SMYD3: variants seen among roughly 807,000 people sequenced by gnomAD.
The protein encoded by SMYD3 is histone-lysine N-methyltransferase SMYD3.
A neutral mutation model predicts 57.7 loss-of-function variants in SMYD3; 36 were observed. The ratio of observed to expected loss-of-function variants is 0.62; its 90% confidence interval spans 0.48 to 0.82. SMYD3 has a LOEUF of 0.82. Among genes scored for constraint, SMYD3 ranks in the 40% least tolerant of loss-of-function variants. The probability of loss-of-function intolerance (pLI) is 0.00; values close to 1 mark genes in which losing one functional copy is unlikely to be tolerated. For synonymous variants in SMYD3, 211 were observed against 195.0 expected (o/e 1.08, Z -0.68); for missense variants, 515 against 538.8 (o/e 0.96, Z 0.44).
intron 5 of SMYD3, among the ~76,000 whole-genome samples, chr1:246,137,071 T>G (rs575352421): frequency 6.6e-6 from 1 of 152,226 alleles, no homozygotes; most frequent in Admixed American, 6.5e-5. Flanking sequence ...TTTCTGATCA[T>G]GCATATACTA....
At position 246,491,170 on chromosome 1, in the gene SMYD3, C is replaced by A. The variant is rs571491406; in HGVS notation, c.164+15884G>T. On this transcript the variant is annotated intron_variant, in intron 1 of 11. Transcript: ENST00000490107. ...CACTGAGACCAGTCAGACTAAAACA[C>A]AGGATACACTGGGAAATAAAGCTGG... Among the ~76,000 whole-genome samples, 5 of 152,278 alleles carry A rather than the reference C, an allele frequency of 3.3e-5. 1 individual carries two copies. The South Asian group carries it at 1.0e-3, about 32-fold the overall frequency.
rs151228319 is a variant in SMYD3 at position 246,159,743 on chromosome 1, C to T, written c.531+167458G>A. Among the ~76,000 whole-genome samples, 210 of 152,162 alleles carry T rather than the reference C, an allele frequency of 1.4e-3. 1 individual carries two copies. Among genetic ancestry groups the T allele is most frequent in the African/African-American group, 4.3e-3 (177 of 41,528 alleles). On this transcript the variant is annotated intron_variant, in intron 5 of 11. Coordinates refer to ENST00000490107, the MANE Select transcript of SMYD3 (RefSeq NM_001167740.2). Reference sequence around the variant, plus strand: ...GGGTGTAGGAGTGCAGGGAACACGACGGAAGCACAGCCCAGGAAGACTGTG... The same window carrying T: ...GGGTGTAGGAGTGCAGGGAACACGATGGAAGCACAGCCCAGGAAGACTGTG...
intron 5 of SMYD3, among the ~76,000 whole-genome samples, chr1:246,169,017 ATTCT>A (rs763953289): frequency 1.4e-4 from 22 of 152,148 alleles, no homozygotes; most frequent in Admixed American, 2.0e-4. Context: ...TATACCTATA[ATTCT>A]TTCTGTCATT....
chr1:245,895,214 A>C (rs2053685270), intron 8 of SMYD3, among the ~76,000 whole-genome samples: 1 of 152,116 alleles, frequency 6.6e-6, no homozygotes, highest in Non-Finnish European at 1.5e-5. Context: ...TCTGGGGGAA[A>C]CCCATTTTTC....
chr1:246,329,992 G>A (rs111485350), intron 4 of SMYD3, among the ~76,000 whole-genome samples: 3,578 of 152,216 alleles, frequency 0.024, 136 homozygotes, highest in African/African-American at 0.081. Flanking sequence ...TCACAAGAAG[G>A]TGGCTACCTA....
chr1:245,903,274 AAC>A (rs2054315280), intron 8 of SMYD3, among the ~76,000 whole-genome samples: 1 of 152,232 alleles, frequency 6.6e-6, no homozygotes, highest in African/African-American at 2.4e-5. Flanking sequence ...CTTTTGAAAT[AAC>A]ACAGTCCAAA....
intron 10 of SMYD3, among the ~76,000 whole-genome samples, chr1:245,829,141 A>G (rs1207682143): frequency 1.4e-5 from 2 of 139,810 alleles, no homozygotes; most frequent in Non-Finnish European, 3.0e-5. Context: ...AAGATAGGTC[A>G]ACAGATTTTA....
intron 1 of SMYD3, among the ~76,000 whole-genome samples, chr1:246,443,413 T>C (rs1284089690): frequency 6.6e-6 from 1 of 152,218 alleles, no homozygotes; most frequent in Non-Finnish European, 1.5e-5. Flanking sequence ...CAGTCTCCTA[T>C]AGAATCAATA....
chr1:246,266,147 C>A (rs145558420), intron 5 of SMYD3, among the ~76,000 whole-genome samples: 1,681 of 152,222 alleles, frequency 0.011, 15 homozygotes, highest in Middle Eastern at 0.031. Context: ...CATTTGAGTC[C>A]ATCCTTCATA....
intron 1 of SMYD3, among the ~76,000 whole-genome samples, chr1:246,442,061 G>A (rs1276812364): frequency 6.6e-6 from 1 of 152,220 alleles, no homozygotes. Context: ...CTTAGCTGAG[G>A]AACCCAATTT....
At chr1:245,800,604 T>C (rs2047812761) in intron 10 of SMYD3, among the ~76,000 whole-genome samples, 2 of 152,192 alleles carry the variant, frequency 1.3e-5, no homozygotes, top group South Asian at 4.1e-4. Context: ...AAATAAGCCA[T>C]TAACTTCTCT....
intron 5 of SMYD3, among the ~76,000 whole-genome samples, chr1:246,065,659 A>G (rs2060328253): frequency 6.6e-6 from 1 of 152,222 alleles, no homozygotes; most frequent in Non-Finnish European, 1.5e-5. Context: ...AATTAATATT[A>G]AATACTGAAA....
At chr1:246,204,140 T>C (rs1423921012) in intron 5 of SMYD3, among the ~76,000 whole-genome samples, 3 of 152,282 alleles carry the variant, frequency 2.0e-5, no homozygotes, top group Admixed American at 6.5e-5. Flanking sequence ...AAGTTTTATA[T>C]GCTGATAATA....
At chr1:245,856,885 C>CA in intron 10 of SMYD3, among the ~76,000 whole-genome samples, 1 of 152,286 alleles carries the variant, frequency 6.6e-6, no homozygotes, top group Non-Finnish European at 1.5e-5. Context: ...TTTATCCACT[C>CA]ACCCAGAGGC....
intron 1 of SMYD3, among the ~76,000 whole-genome samples, chr1:246,432,088 C>A (rs2067306453): frequency 6.6e-6 from 1 of 152,082 alleles, no homozygotes; most frequent in African/African-American, 2.4e-5. Flanking sequence ...ACAATTATGC[C>A]AAACTTAGAT....
intron 1 of SMYD3, among the ~76,000 whole-genome samples, chr1:246,480,939 C>T (rs1010771872): frequency 5.3e-5 from 8 of 152,110 alleles, no homozygotes; most frequent in Non-Finnish European, 1.2e-4. Flanking sequence ...GCTGGGATTA[C>T]AGGCGTGTGC....
chr1:246,192,438 T>C (rs1037649932), intron 5 of SMYD3, among the ~76,000 whole-genome samples: 20 of 152,180 alleles, frequency 1.3e-4, no homozygotes, highest in South Asian at 4.1e-4. Context: ...TTTTCTTTTG[T>C]AGTGATGAAG....
chr1:246,451,034 A>T (rs2067625777), intron 1 of SMYD3, among the ~76,000 whole-genome samples: 1 of 152,214 alleles, frequency 6.6e-6, no homozygotes, highest in African/African-American at 2.4e-5. Context: ...ACAAACTAAC[A>T]TACTTCAACC....
intron 1 of SMYD3, among the ~76,000 whole-genome samples, chr1:246,443,615 G>A (rs2067503166): frequency 6.6e-6 from 1 of 152,168 alleles, no homozygotes. Context: ...TGGTGTAGTG[G>A]CAGGGAAGAT....
Sources: gnomAD v4.1 joint callset for allele counts (sites outside exome capture counted in the v4.1 genomes callset) on GRCh38, gnomAD v4.1.1 for gene constraint, MANE v1.5 for transcripts, NCBI Gene and HGNC (gene_info 2026-07-23, HGNC 2026-07-21) for gene names.